SLCO5A1: variants seen among roughly 807,000 people sequenced by gnomAD.
SLCO5A1 encodes solute carrier organic anion transporter family member 5A1, also known as organic anion transporter polypeptide-related protein 4.
SLCO5A1 carries 39 observed loss-of-function variants against 65.1 expected under a neutral mutation model. The ratio of observed to expected loss-of-function variants is 0.60; its 90% CI spans 0.46 to 0.78. SLCO5A1 has a LOEUF of 0.78. Ranked by LOEUF, SLCO5A1 falls within the 30% of genes least tolerant of loss-of-function variation. The probability of loss-of-function intolerance (pLI) is 0.00; values close to 1 mark genes in which losing one functional copy is unlikely to be tolerated. For missense variants in SLCO5A1, 1,029 were observed against 1,069.4 expected, an observed-to-expected ratio of 0.96 and a Z score of 0.53; for synonymous variants, 438 against 415.7, an observed-to-expected ratio of 1.05 and a Z score of -0.65.
At chr8:69,807,705 G>C (rs370561003) in intron 2 of SLCO5A1, among the ~76,000 whole-genome samples, 2 of 152,078 alleles carry the variant, frequency 1.3e-5, no homozygotes, top group East Asian at 3.9e-4. Flanking sequence ...TTTTTTGTTT[G>C]TTTGTTTGTT....
chr8:69,721,899 C>T (rs546987444), intron 5 of SLCO5A1, among the ~76,000 whole-genome samples: 11 of 152,236 alleles, frequency 7.2e-5, no homozygotes, highest in Non-Finnish European at 1.2e-4. Flanking sequence ...AAGCCAGGCA[C>T]GATAGCTTAT....
At chr8:69,734,526 G>A (rs1360870124) in intron 5 of SLCO5A1, among the ~76,000 whole-genome samples, 1 of 152,100 alleles carries the variant, frequency 6.6e-6, no homozygotes, top group African/African-American at 2.4e-5. Context: ...TCTCCTCTTA[G>A]ATGTGTAAGC....
chr8:69,784,788 A>AC (rs1491205039), intron 2 of SLCO5A1, among the ~76,000 whole-genome samples: 1 of 141,644 alleles, frequency 7.1e-6, no homozygotes, highest in Non-Finnish European at 1.5e-5. Context: ...ACTCTGTCTG[A>AC]AAAAAAAAGA....
intron 4 of SLCO5A1, among the ~76,000 whole-genome samples, chr8:69,747,113 G>A (rs1435441098): frequency 6.6e-6 from 1 of 152,198 alleles, no homozygotes; most frequent in Non-Finnish European, 1.5e-5. Context: ...GCCTTGCTCC[G>A]ATTCTGCCTC....
intron 9 of SLCO5A1, among the ~76,000 whole-genome samples, 186 bp downstream of exon 9, chr8:69,676,423 A>C (rs1354321842): frequency 6.6e-6 from 1 of 152,200 alleles, no homozygotes; most frequent in Non-Finnish European, 1.5e-5. Context: ...GTTTTGTTTC[A>C]TCAAACAACA....
At chr8:69,784,816 AAAG>A in intron 2 of SLCO5A1, among the ~76,000 whole-genome samples, 1 of 75,762 alleles carries the variant, frequency 1.3e-5, no homozygotes, top group African/African-American at 3.7e-5. Flanking sequence ...AAAGAAAAAG[AAAG>A]AAAGAAAGAA....
chr8:69,749,989 C>A (rs144993379), intron 4 of SLCO5A1, among the ~76,000 whole-genome samples: 1 of 152,240 alleles, frequency 6.6e-6, no homozygotes, highest in Non-Finnish European at 1.5e-5. Flanking sequence ...CCAGCACAAG[C>A]GTGGCAAGTG....
At chr8:69,749,320 A>G (rs10112770) in intron 4 of SLCO5A1, among the ~76,000 whole-genome samples, 11,015 of 152,144 alleles carry the variant, frequency 0.072, 495 homozygotes, top group African/African-American at 0.12. Context: ...GTCACACCCT[A>G]AAGAAATGAC....
chr8:69,770,361 G>A (rs979245483), intron 2 of SLCO5A1, among the ~76,000 whole-genome samples: 7 of 152,148 alleles, frequency 4.6e-5, no homozygotes, highest in South Asian at 2.1e-4. Flanking sequence ...TTGGGAAGCC[G>A]AAGTGGGACG....
intron 6 of SLCO5A1, among the ~76,000 whole-genome samples, chr8:69,696,712 A>G (rs1004784165): frequency 6.6e-6 from 1 of 152,254 alleles, no homozygotes; most frequent in African/African-American, 2.4e-5. Flanking sequence ...TCATCTGCAA[A>G]GCCCAGAATA....
chr8:69,743,469 A>G lies in SLCO5A1; in HGVS notation c.1259-5265T>C, dbSNP rs184768050. ...AGGGCTCAAGCAATCCTCCCACATCAGCCTCCCGAGTAACTAGTACTACAA... is the reference window on the plus strand; with the variant it reads ...AGGGCTCAAGCAATCCTCCCACATCGGCCTCCCGAGTAACTAGTACTACAA... On this transcript the variant is annotated intron_variant, in intron 4 of 9. Transcript: ENST00000260126. Among the ~76,000 whole-genome samples, 310 of 152,286 alleles carry G rather than the reference A, an allele frequency of 2.0e-3. 1 individual carries two copies. The highest frequency in any genetic ancestry group is 7.0e-3 in the African/African-American group (291 of 41,560).
intron 2 of SLCO5A1, among the ~76,000 whole-genome samples, chr8:69,813,095 C>T (rs886445806): frequency 6.6e-6 from 1 of 152,012 alleles, no homozygotes; most frequent in Non-Finnish European, 1.5e-5. Context: ...ATTGTTGGTC[C>T]GTCATTACAC....
intron 5 of SLCO5A1, among the ~76,000 whole-genome samples, chr8:69,732,090 T>C (rs1211027779): frequency 6.6e-6 from 1 of 152,206 alleles, no homozygotes; most frequent in African/African-American, 2.4e-5. Context: ...ATCTCTTGCA[T>C]CTAAAGATGA....
intron 6 of SLCO5A1, among the ~76,000 whole-genome samples, chr8:69,697,119 C>G (rs1814530133): frequency 6.6e-6 from 1 of 152,148 alleles, no homozygotes; most frequent in African/African-American, 2.4e-5. Flanking sequence ...CAGAAAGTGC[C>G]TAGTACAATG....
intron 2 of SLCO5A1, among the ~76,000 whole-genome samples, chr8:69,779,683 C>T (rs748472457): frequency 5.9e-5 from 9 of 152,108 alleles, no homozygotes; most frequent in Non-Finnish European, 1.0e-4. Context: ...AGGAGATAGG[C>T]AATTAGTAAG....
At chr8:69,777,206 C>G (rs902238231) in intron 2 of SLCO5A1, among the ~76,000 whole-genome samples, 1 of 152,160 alleles carries the variant, frequency 6.6e-6, no homozygotes, top group African/African-American at 2.4e-5. Context: ...CAATGGAATA[C>G]TACTTAGCGA....
At position 69,832,496 on chromosome 8, in the gene SLCO5A1, C is replaced by A. The variant is rs201450247; in HGVS notation, c.178G>T (p.Ala60Ser). The change falls in exon 2 of 10, where the codon GCC becomes TCC. Residue 60 changes from alanine to serine, a missense_variant. Ala to Ser is a moderately conservative substitution (Grantham distance 99). Transcript: ENST00000260126. The surrounding 1 kb of genome is among the most constrained non-coding windows in gnomAD (Gnocchi z 4.5). ...LSPTSGDANPAFGCVDSSGHQ... is the reference protein window; with the variant it reads ...LSPTSGDANPSFGCVDSSGHQ... The stretch of plus-strand genomic sequence containing the variant: ...CCCGAAGAATCCACACAGCCAAAGG[C>A]CGGGTTGGCGTCTCCACTAGTGGGA... 33 of 1,610,156 alleles carry A rather than the reference C, an allele frequency of 2.0e-5. No homozygotes were observed. Among genetic ancestry groups the A allele is most frequent in the Non-Finnish European group, 2.8e-5 (33 of 1,178,466 alleles).
intron 6 of SLCO5A1, among the ~76,000 whole-genome samples, chr8:69,688,407 A>G (rs1213644442): frequency 6.6e-6 from 1 of 151,986 alleles, no homozygotes; most frequent in Non-Finnish European, 1.5e-5. Flanking sequence ...ACATATGTAT[A>G]CATGTGCCAT....
intron 5 of SLCO5A1, among the ~76,000 whole-genome samples, chr8:69,727,301 A>T (rs1216476940): frequency 6.6e-6 from 1 of 152,142 alleles, no homozygotes; most frequent in Non-Finnish European, 1.5e-5. Context: ...TTTCAACAAG[A>T]TCTGTCTCCT....
Sources: allele counts gnomAD v4.1 joint callset (sites outside exome capture counted in the v4.1 genomes callset), GRCh38; gene constraint gnomAD v4.1.1; non-coding constraint Gnocchi (gnomAD v3.1); transcripts MANE v1.5; gene names NCBI Gene and HGNC (gene_info 2026-07-23, HGNC 2026-07-21).